Variants in RIPK4 observed in about 807,000 individuals in gnomAD.
RIPK4 encodes the protein receptor-interacting serine/threonine-protein kinase 4.
Under a neutral mutation model 42.9 loss-of-function variants are expected in RIPK4, and 17 were observed. The observed-to-expected ratio is 0.40, with a 90% confidence interval of 0.27 to 0.59. RIPK4 has a LOEUF of 0.59. RIPK4 is among the 20% of genes least tolerant of loss of function. The pLI, the probability that RIPK4 is intolerant of heterozygous loss-of-function variation, is 0.47. For missense variants in RIPK4, 897 were observed against 1,104.4 expected (o/e 0.81, Z 2.66); for synonymous variants, 498 against 499.1 (o/e 1.00, Z 0.03).
At chr21:41,750,392 G>T (rs1468191957) in intron 3 of RIPK4, among the ~76,000 whole-genome samples, 1 of 152,354 alleles carries the variant, frequency 6.6e-6, no homozygotes, top group South Asian at 2.1e-4. Context: ...GACCAACAAA[G>T]GTTAAGTGCC....
At chr21:41,759,812 A>C (rs1166159007) in intron 1 of RIPK4, among the ~76,000 whole-genome samples, 2 of 152,308 alleles carry the variant, frequency 1.3e-5, no homozygotes, top group Non-Finnish European at 2.9e-5. Flanking sequence ...TAGTGAAAAC[A>C]CTTTCCCTGC....
intron 2 of RIPK4, among the ~76,000 whole-genome samples, chr21:41,753,524 C>A (rs1335931021): frequency 1.3e-5 from 2 of 152,232 alleles, no homozygotes; most frequent in African/African-American, 2.4e-5. Context: ...GGACTCCTGG[C>A]CGGCTGCATT....
At position 41,751,223 on chromosome 21, in the gene RIPK4, T is replaced by C. The variant is rs763072957; in HGVS notation, c.497A>G (p.Lys166Arg). The change falls in exon 3 of 8, where the codon AAG (lysine) becomes AGG (arginine). Residue 166 changes from lysine (K) to arginine (R), a missense_variant. Transcript: ENST00000332512. The surrounding 1 kb of genome is among the most constrained non-coding windows in gnomAD (Gnocchi z 4.5). ...HVKISDFGLA[K>R]CNGLSHSHDL... is the part of the protein sequence containing the mutation. ...ATGCGAGTGGGACAGCCCGTTGCAC[T>C]TGGCCAGACCAAAATCAGAAATCTG... 2.5e-6 allele frequency: 4 copies of C among 1,614,228 alleles called. No individual in the cohort carries two copies. Among genetic ancestry groups the C allele is most frequent in the Non-Finnish European group, 3.4e-6 (4 of 1,180,034 alleles).
At chr21:41,766,447 C>T (rs2061236833) in intron 1 of RIPK4, among the ~76,000 whole-genome samples, 1 of 152,256 alleles carries the variant, frequency 6.6e-6, no homozygotes, top group Non-Finnish European at 1.5e-5. Context: ...CCGGTGGGTC[C>T]CGGGCGGGCC....
rs879292858 is a variant in RIPK4 at position 41,740,411 on chromosome 21, C to A, written c.*427G>T. Reference sequence around the variant, plus strand: ...GGAAACTTTAAGACAGGCCTCTCTGCCCACCGTCATGTATGAAGATAAAAA... The same window carrying A: ...GGAAACTTTAAGACAGGCCTCTCTGACCACCGTCATGTATGAAGATAAAAA... On this transcript the variant is annotated 3_prime_UTR_variant, in exon 8 of 8. Coordinates refer to ENST00000332512, the MANE Select transcript of RIPK4 (RefSeq NM_020639.3). The A allele has an allele frequency of 2.9e-5, 5 of 175,272 alleles. No homozygotes were observed. Among genetic ancestry groups the A allele is most frequent in the Non-Finnish European group, 5.9e-5 (5 of 84,224 alleles). 10.9% of individuals were successfully genotyped at this position (175,272 alleles called of 1,614,324 possible).
chr21:41,747,807 G>A (rs2061176438), intron 4 of RIPK4, among the ~76,000 whole-genome samples: 1 of 152,230 alleles, frequency 6.6e-6, no homozygotes, highest in Non-Finnish European at 1.5e-5. Context: ...AAGCTGGGGA[G>A]AGGCCTTGTT....
Position 41,741,584 on chromosome 21 carries a change from C to T in RIPK4, c.1609G>A (p.Gly537Ser), listed in dbSNP as rs2061154262. 2 of 1,611,910 alleles carry T rather than the reference C, an allele frequency of 1.2e-6. No individual in the cohort carries two copies. Among genetic ancestry groups the T allele is most frequent in the South Asian group, 1.1e-5 (1 of 91,094 alleles). ...CAGGCCACGTGCATGGGCGTCCGGCCCTCAAAGTCCACCTCGTTGACCGAG... is the reference window on the plus strand; with the variant it reads ...CAGGCCACGTGCATGGGCGTCCGGCTCTCAAAGTCCACCTCGTTGACCGAG... ...NASVNEVDFE[G>S]RTPMHVACQH... Residue 537 changes from glycine to serine, a missense_variant, in exon 8 of 8, where the codon GGC becomes AGC. Coordinates refer to ENST00000332512, the MANE Select transcript of RIPK4 (RefSeq NM_020639.3).
Position 41,740,855 on chromosome 21 carries a change from G to A in RIPK4, c.2338C>T (p.Arg780Trp), listed in dbSNP as rs140909597. ...GGHGPAATLL[R>W]RSKT ...GCAGCCAGCTAGGTCTTGCTTCGCC[G>A]CAGGAGCGTGGCGGCGGGGCCATGG... The change falls in exon 8 of 8, where the codon CGG becomes TGG. Residue 780 changes from arginine to tryptophan, a missense_variant. Transcript: ENST00000332512. 49 of 1,607,236 alleles carry A rather than the reference G, an allele frequency of 3.0e-5. No individual in the cohort carries two copies. The highest frequency in any genetic ancestry group is 2.0e-4 in the African/African-American group (15 of 74,946).
chr21:41,746,612 C>A lies in RIPK4; in HGVS notation c.832+1G>T, dbSNP rs779530950. The stretch of plus-strand genomic sequence containing the variant: ...TGGCGGGGAGACCCCGGGGTGCTCA[C>A]CTTGGAAGGTGGGCCTAACTCGCGG... On this transcript the variant is annotated splice_donor_variant, in intron 5 of 7. Coordinates refer to ENST00000332512, the MANE Select transcript of RIPK4 (RefSeq NM_020639.3). LOFTEE classifies it high-confidence loss of function. 2 of 1,609,036 alleles carry A rather than the reference C, an allele frequency of 1.2e-6. No individual in the cohort carries two copies. The highest frequency in any genetic ancestry group is 1.7e-6 in the Non-Finnish European group (2 of 1,179,394).
intron 4 of RIPK4, among the ~76,000 whole-genome samples, chr21:41,747,912 A>G (rs1333505054): frequency 1.3e-5 from 2 of 152,224 alleles, no homozygotes; most frequent in East Asian, 3.8e-4. Context: ...CTTGAACAGT[A>G]GGACACGAAT....
chr21:41,753,903 T>C (rs957744406), intron 2 of RIPK4, among the ~76,000 whole-genome samples: 5 of 152,234 alleles, frequency 3.3e-5, no homozygotes, highest in African/African-American at 7.2e-5. Context: ...TAAGTTGAAA[T>C]TGATTCCAAC....
At position 41,742,798 on chromosome 21, in the gene RIPK4, CAAGAT is replaced by C. The variant is rs1367196946; in HGVS notation, c.1196-806_1196-802del. Among the ~76,000 whole-genome samples, 13 of 152,278 alleles carry C rather than the reference CAAGAT, an allele frequency of 8.5e-5. No individual in the cohort carries two copies. The highest frequency in any genetic ancestry group is 3.1e-4 in the African/African-American group (13 of 41,560). ...AGTAATTCTCTCTCGAGCATGAAGA[CAAGAT>C]GTCATTTCAGAGTATTAGACCCAAA... is the stretch of plus-strand genomic sequence containing the variant. On this transcript the variant is annotated intron_variant, in intron 7 of 7. Transcript: ENST00000332512. This position sits in a 1 kb window ranked among gnomAD's most constrained non-coding sequence, Gnocchi z 5.1.
intron 1 of RIPK4, among the ~76,000 whole-genome samples, chr21:41,760,628 G>A (rs2061217724): frequency 6.6e-6 from 1 of 152,206 alleles, no homozygotes; most frequent in Admixed American, 6.5e-5. Context: ...TCTGTTGGAA[G>A]AATCTGCAGG....
intron 1 of RIPK4, among the ~76,000 whole-genome samples, chr21:41,762,814 G>C (rs895874414): frequency 6.6e-6 from 1 of 152,148 alleles, no homozygotes; most frequent in East Asian, 1.9e-4. Flanking sequence ...GAGAGATGCC[G>C]AATCCAGCCT....
intron 2 of RIPK4, among the ~76,000 whole-genome samples, chr21:41,754,087 G>T (rs1038143582): frequency 2.6e-5 from 4 of 152,136 alleles, no homozygotes; most frequent in East Asian, 1.9e-4. Context: ...TCTCAGAGGC[G>T]AATGGCAGCA....
At position 41,741,864 on chromosome 21, in the gene RIPK4, G is replaced by A. The variant is rs754736537; in HGVS notation, c.1329C>T (p.His443=). Residue 443 remains histidine (H), a synonymous_variant, in exon 8 of 8, where the codon CAC becomes CAT. Coordinates refer to ENST00000332512, the MANE Select transcript of RIPK4 (RefSeq NM_020639.3). ...CCTCTTGCCCGGCCTCCACCGCCAG[G>A]TGCAGCAGGCTGGCACCGCTGTCCA... ...LALDSGASLL[H]LAVEAGQEEC... 8.7e-6 allele frequency: 14 copies of A among 1,613,274 alleles called. No individual in the cohort carries two copies. In the Admixed American group the frequency reaches 1.8e-4, roughly 21 times the overall value.
rs990775819 is a variant in RIPK4, at chr21:41,739,932, G to A, written c.*906C>T. The A allele has an allele frequency of 2.6e-5, 4 of 152,320 alleles. No individual in the cohort carries two copies. The highest frequency in any genetic ancestry group is 3.4e-3 in the Middle Eastern group (1 of 294). 9.4% of individuals were successfully genotyped at this position (152,320 alleles called of 1,614,324 possible). Reference sequence around the variant, plus strand: ...CTATGTAATTTTATCTTCATACTGCGTGTGGAGATAAAAAACACAGCTTCT... The same window carrying A: ...CTATGTAATTTTATCTTCATACTGCATGTGGAGATAAAAAACACAGCTTCT... On this transcript the variant is annotated 3_prime_UTR_variant, in exon 8 of 8. Coordinates refer to ENST00000332512, the MANE Select transcript of RIPK4 (RefSeq NM_020639.3).
At chr21:41,762,392 C>T (rs1157537863) in intron 1 of RIPK4, among the ~76,000 whole-genome samples, 1 of 152,176 alleles carries the variant, frequency 6.6e-6, no homozygotes, top group Non-Finnish European at 1.5e-5. Flanking sequence ...AGAAACTTTC[C>T]ACACTGTTTA....
chr21:41,749,738 T>C (rs1240244183), intron 3 of RIPK4, among the ~76,000 whole-genome samples: 1 of 151,084 alleles, frequency 6.6e-6, no homozygotes, highest in Non-Finnish European at 1.5e-5. Context: ...CATTAGAGGG[T>C]TGTTAAAGAA....
Sources: gnomAD v4.1 joint callset for allele counts (sites outside exome capture counted in the v4.1 genomes callset) on GRCh38, gnomAD v4.1.1 for gene constraint, Gnocchi (gnomAD v3.1) non-coding constraint, MANE v1.5 for transcripts, NCBI Gene and HGNC (gene_info 2026-07-23, HGNC 2026-07-21) for gene names.